Variants in SLX4IP observed in about 807,000 individuals in gnomAD.
SLX4IP encodes SLX4 interacting protein.
Under a neutral mutation model 32.9 loss-of-function variants are expected in SLX4IP, and 34 were observed. The ratio of observed to expected loss-of-function variants is 1.03; its 90% CI spans 0.79 to 1.38. The LOEUF (loss-of-function observed/expected upper bound fraction) is 1.38. Among genes scored for constraint, SLX4IP ranks in the 40% most tolerant of loss-of-function variants. The pLI, the probability that SLX4IP is intolerant of heterozygous loss-of-function variation, is 0.00. For synonymous variants in SLX4IP, 172 were observed against 171.7 expected (o/e 1.00, Z -0.01); for missense variants, 444 against 479.0 (o/e 0.93, Z 0.68).
intron 2 of SLX4IP, among the ~76,000 whole-genome samples, chr20:10,552,388 CTTTCT>C (rs1470863663): frequency 2.0e-5 from 3 of 151,372 alleles, no homozygotes; most frequent in Non-Finnish European, 2.9e-5. Flanking sequence ...GTGTAAGAAG[CTTTCT>C]TTTCTTTTTT....
At position 10,621,371 on chromosome 20, in the gene SLX4IP, C is replaced by G; in HGVS notation, c.463C>G (p.Leu155Val). Reference protein sequence around the residue: ...DYFAECAESSLPPSAKLRRNA... With the variant: ...DYFAECAESSVPPSAKLRRNA... ...CTTTGCTGAGTGTGCAGAGAGTTCA[C>G]TTCCTCCCAGTGCAAAGCTCCGGAG... is the stretch of plus-strand genomic sequence containing the variant. Residue 155 changes from leucine to valine, a missense_variant, in exon 7 of 8, where the codon CTT becomes GTT. Leu to Val is a conservative substitution (Grantham distance 32). Transcript: ENST00000334534. The G allele has an allele frequency of 6.2e-7, 1 of 1,614,218 alleles. No individual in the cohort carries two copies. The highest frequency in any genetic ancestry group is 8.5e-7 in the Non-Finnish European group (1 of 1,180,030).
At chr20:10,496,026 G>T (rs1418074110) in intron 2 of SLX4IP, among the ~76,000 whole-genome samples, 1 of 142,910 alleles carries the variant, frequency 7.0e-6, no homozygotes, top group Non-Finnish European at 1.5e-5. Context: ...TCTTGTTGTT[G>T]TTTGGTTGAT....
chr20:10,512,774 C>CTATATAT (rs2065819345), intron 2 of SLX4IP, among the ~76,000 whole-genome samples: 1 of 26,088 alleles, frequency 3.8e-5, no homozygotes, highest in African/African-American at 2.1e-4. Context: ...TACACACACA[C>CTATATAT]ACTCTATATA....
intron 2 of SLX4IP, among the ~76,000 whole-genome samples, chr20:10,482,939 A>C (rs753332708): frequency 2.0e-5 from 3 of 152,198 alleles, no homozygotes; most frequent in Non-Finnish European, 4.4e-5. Context: ...TAGAGGCATT[A>C]ATAAGAATTT....
chr20:10,479,704 T>C (rs2065505808), intron 2 of SLX4IP, among the ~76,000 whole-genome samples: 1 of 151,514 alleles, frequency 6.6e-6, no homozygotes, highest in Non-Finnish European at 1.5e-5. Flanking sequence ...CAGGCTCTTA[T>C]TTAAAAACAG....
At chr20:10,529,590 C>CAAAAAAA (rs71334410) in intron 2 of SLX4IP, among the ~76,000 whole-genome samples, 3 of 53,636 alleles carry the variant, frequency 5.6e-5, no homozygotes, top group East Asian at 6.5e-4. Flanking sequence ...GACTCCATCT[C>CAAAAAAA]AAAAAAAAAA....
intron 1 of SLX4IP, among the ~76,000 whole-genome samples, chr20:10,440,531 A>G (rs2065152787): frequency 6.6e-6 from 1 of 152,104 alleles, no homozygotes; most frequent in Non-Finnish European, 1.5e-5. Context: ...ATTCTTGGGT[A>G]TGTAGTTTTC....
At position 10,560,771 on chromosome 20, in the gene SLX4IP, C is replaced by T. The variant is rs2066323978; in HGVS notation, c.189C>T (p.His63=). ...AGTACTTGGAAGTTCGCAAACAGCA[C>T]AGGCCATCAAATGCAGAATTCACAA... ...VQEYLEVRKQ[H]RPSNAEFTRS... is the part of the protein sequence containing the mutation. Residue 63 remains histidine, a synonymous_variant, in exon 4 of 8, where the codon CAC becomes CAT. Transcript: ENST00000334534. The T allele has an allele frequency of 6.2e-7, 1 of 1,608,654 alleles. No homozygotes were observed. The highest frequency in any genetic ancestry group is 8.5e-7 in the Non-Finnish European group (1 of 1,177,510).
At chr20:10,445,060 T>A (rs1600877516) in intron 1 of SLX4IP, among the ~76,000 whole-genome samples, 1 of 152,146 alleles carries the variant, frequency 6.6e-6, no homozygotes, top group Non-Finnish European at 1.5e-5. Flanking sequence ...TGTTTAGATA[T>A]CACAACTAAT....
chr20:10,518,469 T>C (rs1568720189), intron 2 of SLX4IP, among the ~76,000 whole-genome samples: 794 of 47,104 alleles, frequency 0.017, 42 homozygotes, highest in Non-Finnish European at 0.031. Context: ...CTTCCTTTCC[T>C]TTCTTTTCCT....
At chr20:10,619,368 G>A (rs929362387) in intron 6 of SLX4IP, among the ~76,000 whole-genome samples, 22 of 151,898 alleles carry the variant, frequency 1.4e-4, no homozygotes, top group African/African-American at 4.6e-4. Context: ...GATGAGAGCC[G>A]ACTGCTCTGC....
At chr20:10,486,661 G>C (rs891037076) in intron 2 of SLX4IP, among the ~76,000 whole-genome samples, 1 of 152,186 alleles carries the variant, frequency 6.6e-6, no homozygotes, top group African/African-American at 2.4e-5. Flanking sequence ...AAAATAGCTT[G>C]TTATTGTTTA....
intron 1 of SLX4IP, among the ~76,000 whole-genome samples, chr20:10,437,148 CAG>C (rs1315402319): frequency 6.6e-6 from 1 of 151,942 alleles, no homozygotes; most frequent in Non-Finnish European, 1.5e-5. Context: ...TTTTTTGAGA[CAG>C]GGTATAACCC....
chr20:10,472,490 A>C lies in SLX4IP; in HGVS notation c.27+14259A>C, dbSNP rs891851369. Among the ~76,000 whole-genome samples the C allele has an allele frequency of 7.2e-5, 11 of 152,262 alleles. No homozygotes were observed. In the East Asian group the frequency reaches 2.1e-3, roughly 29 times the overall value. On this transcript the variant is annotated intron_variant, in intron 2 of 7. Coordinates refer to ENST00000334534, the MANE Select transcript of SLX4IP (RefSeq NM_001009608.3). ...CGTGATCTGCGTGCCTTGGACTCCC[A>C]AAGTGCTGGGATTACAGACGTGAAC...
chr20:10,534,607 G>A (rs1036452802), intron 2 of SLX4IP, among the ~76,000 whole-genome samples: 1 of 152,190 alleles, frequency 6.6e-6, no homozygotes, highest in Non-Finnish European at 1.5e-5. Context: ...CAGAGCCAAG[G>A]TCCTTTCTGC....
rs552529457 is a variant in SLX4IP, at chr20:10,565,810, C to A, written c.238+4990C>A. Reference sequence around the variant, plus strand: ...CTTTCCCAACTACAAAGGAAATGTGCTCACCACATATCCTTCAAAAGAGAT... The same window carrying A: ...CTTTCCCAACTACAAAGGAAATGTGATCACCACATATCCTTCAAAAGAGAT... On this transcript the variant is annotated intron_variant, in intron 4 of 7. Coordinates refer to ENST00000334534, the MANE Select transcript of SLX4IP (RefSeq NM_001009608.3). 3.9e-5 allele frequency among the ~76,000 whole-genome samples: 6 copies of A among 152,176 alleles called. No individual in the cohort carries two copies. In the South Asian group the frequency reaches 1.2e-3, roughly 32 times the overall value.
intron 2 of SLX4IP, among the ~76,000 whole-genome samples, chr20:10,460,986 T>G (rs1413771767): frequency 6.6e-6 from 1 of 152,244 alleles, no homozygotes; most frequent in Non-Finnish European, 1.5e-5. Context: ...ATTTGATGGC[T>G]CAAGTCATCA....
At chr20:10,517,185 T>C (rs1287926259) in intron 2 of SLX4IP, among the ~76,000 whole-genome samples, 1 of 152,216 alleles carries the variant, frequency 6.6e-6, no homozygotes, top group Non-Finnish European at 1.5e-5. Context: ...TTTCCATAGG[T>C]ACCATACCAG....
chr20:10,544,711 C>A (rs1005132101), intron 2 of SLX4IP, among the ~76,000 whole-genome samples: 1 of 151,882 alleles, frequency 6.6e-6, no homozygotes, highest in Non-Finnish European at 1.5e-5. Context: ...TAAAGAAAAT[C>A]ATAATTTACA....
Sources: allele counts gnomAD v4.1 joint callset (sites outside exome capture counted in the v4.1 genomes callset), GRCh38; gene constraint gnomAD v4.1.1; transcripts MANE v1.5; gene names NCBI Gene and HGNC (gene_info 2026-07-23, HGNC 2026-07-21).